Variants in CHST9 observed in about 807,000 individuals in gnomAD.
CHST9 encodes GalNAc-4-sulfotransferase 2.
Under a neutral mutation model 44.4 loss-of-function variants are expected in CHST9, and 41 were observed. That is an observed-to-expected ratio of 0.92 (90% CI 0.72 to 1.20). The LOEUF is 1.20. Ranked by LOEUF, CHST9 falls within the 50% of genes most tolerant of loss-of-function variation. The probability of loss-of-function intolerance (pLI) is 0.00; values close to 1 mark genes in which losing one functional copy is unlikely to be tolerated. For synonymous variants in CHST9, 171 were observed against 178.4 expected, an observed-to-expected ratio of 0.96 and a Z score of 0.33; for missense variants, 504 against 516.5, an observed-to-expected ratio of 0.98 and a Z score of 0.23.
intron 1 of CHST9, among the ~76,000 whole-genome samples, chr18:27,164,430 A>G (rs763218381): frequency 6.6e-6 from 1 of 151,978 alleles, no homozygotes; most frequent in Non-Finnish European, 1.5e-5. Context: ...AGAAAAAAAA[A>G]GATGGAAAAT....
chr18:27,090,622 G>T, intron 2 of CHST9, among the ~76,000 whole-genome samples: 1 of 151,382 alleles, frequency 6.6e-6, no homozygotes, highest in East Asian at 1.9e-4. Context: ...ATAATTTTTT[G>T]TAAGGTGTAA....
chr18:27,160,622 C>T (rs999571765), intron 1 of CHST9, among the ~76,000 whole-genome samples: 1 of 152,160 alleles, frequency 6.6e-6, no homozygotes, highest in Non-Finnish European at 1.5e-5. Flanking sequence ...ATGCTGGCCA[C>T]ATAAAATGAG....
intron 4 of CHST9, among the ~76,000 whole-genome samples, chr18:26,994,742 C>T (rs2056865271): frequency 6.6e-6 from 1 of 152,022 alleles, no homozygotes; most frequent in Non-Finnish European, 1.5e-5. Context: ...GTGTGTATCA[C>T]CGCACCCAGC....
intron 4 of CHST9, among the ~76,000 whole-genome samples, chr18:26,982,004 T>G (rs1030622372): frequency 6.6e-6 from 1 of 152,210 alleles, no homozygotes; most frequent in Admixed American, 6.5e-5. Flanking sequence ...GCAGTCAGAA[T>G]GACCTTTAGA....
At chr18:27,114,759 ATGT>A (rs2058305285) in intron 2 of CHST9, among the ~76,000 whole-genome samples, 1 of 152,182 alleles carries the variant, frequency 6.6e-6, no homozygotes, top group East Asian at 1.9e-4. Flanking sequence ...AGGTTCATCA[ATGT>A]TGTAGCATCT....
intron 5 of CHST9, among the ~76,000 whole-genome samples, chr18:26,922,492 A>T (rs2055676434): frequency 1.3e-5 from 2 of 152,218 alleles, no homozygotes; most frequent in Admixed American, 1.3e-4. Flanking sequence ...AAATATCCTT[A>T]AAGAGTAGAT....
intron 4 of CHST9, among the ~76,000 whole-genome samples, chr18:27,000,309 A>G (rs754477140): frequency 6.6e-6 from 1 of 152,254 alleles, no homozygotes; most frequent in Non-Finnish European, 1.5e-5. Context: ...TGAGGGCTTT[A>G]GCAACTTCAG....
chr18:27,008,750 T>G (rs760237989), intron 4 of CHST9, among the ~76,000 whole-genome samples: 6 of 152,204 alleles, frequency 3.9e-5, no homozygotes, highest in Non-Finnish European at 8.8e-5. Context: ...GTTGCTTTCT[T>G]ATTCCTTTAG....
intron 2 of CHST9, among the ~76,000 whole-genome samples, chr18:27,057,919 T>C (rs529899784): frequency 5.6e-4 from 86 of 152,374 alleles, no homozygotes; most frequent in Middle Eastern, 6.8e-3. Context: ...CACTGAGATC[T>C]ACCCGACAAG....
chr18:27,123,590 G>A (rs948438484), intron 2 of CHST9, among the ~76,000 whole-genome samples: 6 of 152,176 alleles, frequency 3.9e-5, no homozygotes, highest in Admixed American at 1.3e-4. Flanking sequence ...AGGCAATGGG[G>A]AAAAATGTCA....
intron 2 of CHST9, among the ~76,000 whole-genome samples, chr18:27,115,325 T>G (rs1455365999): frequency 1.3e-5 from 2 of 152,158 alleles, no homozygotes; most frequent in Admixed American, 1.3e-4. Context: ...TAAACATTCA[T>G]GTACAAATTT....
intron 1 of CHST9, among the ~76,000 whole-genome samples, chr18:27,151,320 G>A (rs2143897837): frequency 6.6e-6 from 1 of 152,174 alleles, no homozygotes; most frequent in East Asian, 1.9e-4. Flanking sequence ...TTACATAGAT[G>A]TTGTAAAAAT....
intron 5 of CHST9, among the ~76,000 whole-genome samples, chr18:26,930,194 G>A (rs2055852012): frequency 6.6e-6 from 1 of 152,230 alleles, no homozygotes; most frequent in African/African-American, 2.4e-5. Context: ...ACACTCTGGT[G>A]CTACCATGTG....
At chr18:27,037,562 C>T (rs997767784) in intron 3 of CHST9, among the ~76,000 whole-genome samples, 3 of 152,116 alleles carry the variant, frequency 2.0e-5, no homozygotes, top group African/African-American at 7.2e-5. Flanking sequence ...TGTGGTGGCA[C>T]ACGCTTGTGT....
intron 2 of CHST9, among the ~76,000 whole-genome samples, chr18:27,049,553 T>G (rs1279637077): frequency 6.6e-6 from 1 of 151,222 alleles, no homozygotes; most frequent in Non-Finnish European, 1.5e-5. Flanking sequence ...ACAATAATGG[T>G]GGGGGACTTC....
At chr18:27,124,349 G>T (rs529067682) in intron 2 of CHST9, among the ~76,000 whole-genome samples, 1 of 152,320 alleles carries the variant, frequency 6.6e-6, no homozygotes, top group Non-Finnish European at 1.5e-5. Flanking sequence ...GAGGGAAAAA[G>T]CTGCCTACCT....
At chr18:27,112,914 G>T (rs2058285644) in intron 2 of CHST9, among the ~76,000 whole-genome samples, 1 of 152,096 alleles carries the variant, frequency 6.6e-6, no homozygotes, top group African/African-American at 2.4e-5. Flanking sequence ...AATTAGCCGG[G>T]CCCGATGGCT....
chr18:27,129,640 G>C (rs9952639), intron 2 of CHST9, among the ~76,000 whole-genome samples: 49,773 of 151,916 alleles, frequency 0.33, 8,470 homozygotes, highest in East Asian at 0.49. Context: ...TGTTCCATCA[G>C]CCTCGGCCTC....
At chr18:26,995,919 T>C (rs999121683) in intron 4 of CHST9, among the ~76,000 whole-genome samples, 2 of 152,256 alleles carry the variant, frequency 1.3e-5, no homozygotes, top group Admixed American at 1.3e-4. Flanking sequence ...GCAATTTTAG[T>C]TTCCCTCTTA....
Sources: allele counts gnomAD v4.1 joint callset (sites outside exome capture counted in the v4.1 genomes callset), GRCh38; gene constraint gnomAD v4.1.1; transcripts MANE v1.5; gene names NCBI Gene and HGNC (gene_info 2026-07-23, HGNC 2026-07-21).